Variants in CGRRF1 observed in about 807,000 individuals in gnomAD.
CGRRF1 encodes the protein cell growth regulator with RING finger domain protein 1.
A neutral mutation model predicts 37.2 loss-of-function variants in CGRRF1; 32 were observed. The ratio of observed to expected loss-of-function variants is 0.86; its 90% confidence interval spans 0.65 to 1.16. CGRRF1 has a LOEUF of 1.16. Among genes scored for constraint, CGRRF1 ranks in the 50% most tolerant of loss-of-function variants. CGRRF1 has a pLI of 0.00. For synonymous variants in CGRRF1, 141 were observed against 140.3 expected (o/e 1.00, Z -0.04); for missense variants, 391 against 382.6 (o/e 1.02, Z -0.18).
intron 2 of CGRRF1, 97 bp downstream of exon 2, chr14:54,522,690 T>C: frequency 2.6e-6 from 3 of 1,151,696 alleles, no homozygotes; most frequent in Non-Finnish European, 3.7e-6. Context: ...CATTAGACTT[T>C]TAACAAACAT....
chr14:54,527,942 C>T (rs1451518417), intron 2 of CGRRF1, among the ~76,000 whole-genome samples: 5 of 151,826 alleles, frequency 3.3e-5, no homozygotes, highest in African/African-American at 7.3e-5. Flanking sequence ...GGTTTTGCCA[C>T]GTTGGCCCAG....
At chr14:54,516,742 A>C (rs1278209330) in intron 1 of CGRRF1, among the ~76,000 whole-genome samples, 1 of 152,160 alleles carries the variant, frequency 6.6e-6, no homozygotes, top group East Asian at 1.9e-4. Flanking sequence ...TTATGTGTTC[A>C]AATACTTTAT....
At position 54,539,270 on chromosome 14, in the gene CGRRF1, C is replaced by A. The variant is rs1180686136; in HGVS notation, c.*887C>A. On this transcript the variant is annotated 3_prime_UTR_variant, in exon 6 of 6. Coordinates refer to ENST00000216420, the MANE Select transcript of CGRRF1 (RefSeq NM_006568.3). ...TAGTGTATTTTTATTCCAAATAAAC[C>A]CTGTATTCTTCTGAATAGTAAATTA... 6.6e-6 allele frequency: 1 copy of A among 151,892 alleles called. No homozygotes were observed. The highest frequency in any genetic ancestry group is 2.4e-5 in the African/African-American group (1 of 41,344). The allele number at this position is 151,892 out of a possible 1,614,324, so 9.4% of individuals were successfully genotyped here.
Position 54,538,562 on chromosome 14 carries a change from A to C in CGRRF1, c.*179A>C. ...TTATTCCTTTCTGCTTAGTGAATGA[A>C]TACTGGAATCCATCTGTGTTGATAC... On this transcript the variant is annotated 3_prime_UTR_variant, in exon 6 of 6. Transcript: ENST00000216420. 2.1e-6 allele frequency: 1 copy of C among 467,420 alleles called. No individual in the cohort carries two copies. Among genetic ancestry groups the C allele is most frequent in the Non-Finnish European group, 3.7e-6 (1 of 267,780 alleles). 29.0% of individuals were successfully genotyped at this position (467,420 alleles called of 1,614,324 possible). A position where few individuals can be genotyped will look rare whatever the true frequency, so the allele number is the denominator to read the frequency against.
intron 1 of CGRRF1, among the ~76,000 whole-genome samples, chr14:54,514,531 A>G (rs904513996): frequency 6.6e-6 from 1 of 152,152 alleles, no homozygotes; most frequent in Admixed American, 6.5e-5. Flanking sequence ...TGTACAGATT[A>G]TTTCATCACC....
chr14:54,531,905 T>G (rs893985829), intron 4 of CGRRF1, among the ~76,000 whole-genome samples: 1 of 152,206 alleles, frequency 6.6e-6, no homozygotes, highest in Non-Finnish European at 1.5e-5. Context: ...GTATTTAATA[T>G]AGATTATTCA....
chr14:54,527,678 A>G (rs1400932245), intron 2 of CGRRF1, among the ~76,000 whole-genome samples: 1 of 151,946 alleles, frequency 6.6e-6, no homozygotes, highest in Non-Finnish European at 1.5e-5. Context: ...TTCTTTTTAC[A>G]AAGCAAATAA....
intron 2 of CGRRF1, among the ~76,000 whole-genome samples, chr14:54,529,191 C>T (rs1267974918): frequency 6.6e-6 from 1 of 152,114 alleles, no homozygotes; most frequent in Non-Finnish European, 1.5e-5. Flanking sequence ...CTACACGTTA[C>T]AGTTTGCGCT....
intron 2 of CGRRF1, 46 bp downstream of exon 2, chr14:54,522,639 T>C: frequency 3.3e-6 from 5 of 1,520,364 alleles, no homozygotes; most frequent in Non-Finnish European, 3.5e-6. Flanking sequence ...TTTGCCCTCT[T>C]TTTTTAGCCC....
chr14:54,531,166 A>C, intron 4 of CGRRF1, 116 bp downstream of exon 4: 1 of 823,660 alleles, frequency 1.2e-6, no homozygotes, highest in Non-Finnish European at 1.9e-6. Flanking sequence ...CATTTGGCCT[A>C]CAACAACTAT....
chr14:54,522,924 CTAAA>C (rs745397007), intron 2 of CGRRF1, among the ~76,000 whole-genome samples: 7 of 152,156 alleles, frequency 4.6e-5, no homozygotes, highest in Non-Finnish European at 8.8e-5. Flanking sequence ...TGTGTTATGT[CTAAA>C]TACAGTTAAC....
chr14:54,518,620 T>A (rs751594214), intron 1 of CGRRF1, among the ~76,000 whole-genome samples: 11 of 152,144 alleles, frequency 7.2e-5, no homozygotes, highest in Admixed American at 1.3e-4. Context: ...TGTTTCTGGA[T>A]TTTTTTAATA....
At chr14:54,537,913 T>G (rs1052461904) in intron 5 of CGRRF1, 84 bp downstream of exon 5, 8 of 1,518,842 alleles carry the variant, frequency 5.3e-6, no homozygotes, top group Non-Finnish European at 7.0e-6. Flanking sequence ...GGTGATTATA[T>G]TTTTCAGTTA....
chr14:54,538,259 CATGCCTGTGTGATGGCTGTGTG>C lies in CGRRF1; in HGVS notation c.877_898del (p.Cys293SerfsTer93). 2 of 1,614,200 alleles carry C rather than the reference CATGCCTGTGTGATGGCTGTGTG, an allele frequency of 1.2e-6. No homozygotes were observed. Among genetic ancestry groups the C allele is most frequent in the Non-Finnish European group, 1.7e-6 (2 of 1,180,010 alleles). On this transcript the variant is annotated frameshift_variant, in exon 6 of 6. Transcript: ENST00000216420. LOFTEE classifies it high-confidence loss of function. ...TGGGTACTCTTACCATGCAGACACACATGCCTGTGTGATGGCTGTGTGAAGTATTTTCAGCAGTGCCCAATGT... is the reference window on the plus strand; with the variant it reads ...TGGGTACTCTTACCATGCAGACACACAAGTATTTTCAGCAGTGCCCAATGT...
intron 1 of CGRRF1, among the ~76,000 whole-genome samples, chr14:54,518,803 G>C (rs957100554): frequency 3.9e-5 from 6 of 152,018 alleles, no homozygotes; most frequent in Admixed American, 3.3e-4. Context: ...TTTTTTTCTT[G>C]TAAATTTGTT....
intron 2 of CGRRF1, chr14:54,523,170 G>A: frequency 1.3e-5 from 2 of 156,162 alleles, no homozygotes; most frequent in South Asian, 1.8e-4. Flanking sequence ...GTTTCACCAT[G>A]TTGACCAGGC....
At chr14:54,526,223 C>T (rs1416686983) in intron 2 of CGRRF1, among the ~76,000 whole-genome samples, 1 of 137,018 alleles carries the variant, frequency 7.3e-6, no homozygotes, top group East Asian at 2.3e-4. Context: ...AATCTTGGCT[C>T]ACTGCAACGT....
intron 1 of CGRRF1, among the ~76,000 whole-genome samples, chr14:54,518,410 C>T (rs897772605): frequency 3.3e-5 from 5 of 151,900 alleles, no homozygotes; most frequent in African/African-American, 1.2e-4. Context: ...ATTAGCCAGG[C>T]GTGGTGGTGC....
At chr14:54,535,881 G>A (rs1213746165) in intron 4 of CGRRF1, among the ~76,000 whole-genome samples, 2 of 152,066 alleles carry the variant, frequency 1.3e-5, no homozygotes, top group East Asian at 1.9e-4. Context: ...TTCCCCCAGT[G>A]TTTTATAATT....
Sources: gnomAD v4.1 joint callset for allele counts (sites outside exome capture counted in the v4.1 genomes callset) on GRCh38, gnomAD v4.1.1 for gene constraint, MANE v1.5 for transcripts, NCBI Gene and HGNC (gene_info 2026-07-23, HGNC 2026-07-21) for gene names.